Variants in PTPN2 observed in about 807,000 individuals in gnomAD.
PTPN2 encodes the protein protein tyrosine phosphatase non-receptor type 2, also known as tyrosine-protein phosphatase non-receptor type 2.
PTPN2 carries 19 observed loss-of-function variants against 57.3 expected under a neutral mutation model. The ratio of observed to expected loss-of-function variants is 0.33; its 90% CI spans 0.23 to 0.49. The LOEUF (loss-of-function observed/expected upper bound fraction) is 0.49. Ranked by LOEUF, PTPN2 falls within the 20% of genes least tolerant of loss-of-function variation. The probability of loss-of-function intolerance (pLI) is 0.99; values close to 1 mark genes in which losing one functional copy is unlikely to be tolerated. For missense variants in PTPN2, 358 were observed against 501.1 expected (o/e 0.71, Z 2.73); for synonymous variants, 153 against 164.9 (o/e 0.93, Z 0.55).
At chr18:12,871,166 C>A (rs2044258655) in intron 1 of PTPN2, among the ~76,000 whole-genome samples, 1 of 152,146 alleles carries the variant, frequency 6.6e-6, no homozygotes, top group Non-Finnish European at 1.5e-5. Flanking sequence ...TTCTTTTTAA[C>A]AATTTAATAG....
At position 12,879,934 on chromosome 18, in the gene PTPN2, A is replaced by G. The variant is rs187187548; in HGVS notation, c.69+4139T>C. Among the ~76,000 whole-genome samples the G allele has an allele frequency of 5.9e-5, 9 of 152,254 alleles. No homozygotes were observed. In the East Asian group the frequency reaches 1.5e-3, roughly 26 times the overall value. ...AACAAAGCAGAAAGCCACCTTAAACACTTTTTTCCTACTCAAGCTGTGTTA... is the reference window on the plus strand; with the variant it reads ...AACAAAGCAGAAAGCCACCTTAAACGCTTTTTTCCTACTCAAGCTGTGTTA... On this transcript the variant is annotated intron_variant, in intron 1 of 8. Transcript: ENST00000309660.
intron 8 of PTPN2, among the ~76,000 whole-genome samples, chr18:12,797,511 G>A (rs558149153): frequency 6.6e-6 from 1 of 152,108 alleles, no homozygotes; most frequent in East Asian, 1.9e-4. Context: ...TGGAACAGAG[G>A]TTTTTGCTTT....
chr18:12,785,799 C>CA, exon 10 of PTPN2: 1 of 1,608,262 alleles, frequency 6.2e-7, no homozygotes, highest in Non-Finnish European at 8.5e-7. Context: ...TTTATAGCTG[C>CA]AGAATATTCT....
intron 9 of PTPN2, chr18:12,785,965 C>G: frequency 1.2e-6 from 1 of 819,918 alleles, no homozygotes; most frequent in Non-Finnish European, 2.0e-6. Flanking sequence ...AAAAATCATT[C>G]CCACATGACA....
intron 7 of PTPN2, among the ~76,000 whole-genome samples, chr18:12,802,686 C>T (rs2041475303): frequency 6.6e-6 from 1 of 152,176 alleles, no homozygotes; most frequent in Admixed American, 6.5e-5. Flanking sequence ...AAAACCTGTA[C>T]ACGCCAAGAA....
At chr18:12,834,235 G>A (rs776629337) in intron 3 of PTPN2, among the ~76,000 whole-genome samples, 8 of 150,902 alleles carry the variant, frequency 5.3e-5, no homozygotes, top group South Asian at 2.1e-4. Flanking sequence ...GCTGAAGCAC[G>A]AGAATCACTT....
intron 1 of PTPN2, among the ~76,000 whole-genome samples, chr18:12,876,296 A>AAGAAGAAGAAGAAGAAGAAGAAG (rs2044486797): frequency 1.4e-5 from 2 of 145,074 alleles, no homozygotes; most frequent in South Asian, 2.3e-4. Context: ...ACAACAACAA[A>AAGAAGAAGAAGAAGAAGAAGAAG]AAGAAGAAGA....
chr18:12,791,833 G>C (rs189374322), downstream of PTPN2, among the ~76,000 whole-genome samples: 4 of 152,260 alleles, frequency 2.6e-5, no homozygotes, highest in African/African-American at 9.6e-5. Context: ...TCAGCCAGCT[G>C]AGGGGTGAGG....
At chr18:12,855,537 A>C (rs560622246) in intron 2 of PTPN2, among the ~76,000 whole-genome samples, 1 of 152,230 alleles carries the variant, frequency 6.6e-6, no homozygotes, top group Admixed American at 6.5e-5. Context: ...CATGAAGCTA[A>C]GGTGGTGTTT....
chr18:12,833,336 T>C lies in PTPN2; in HGVS notation c.262-2295A>G, dbSNP rs573054355. On this transcript the variant is annotated intron_variant, in intron 3 of 8. Coordinates refer to ENST00000309660, the MANE Select transcript of PTPN2 (RefSeq NM_002828.4). ...CCTCCATTCCAAACAACCTGCTAGA[T>C]GCAAGGCCAAGAGCTAGACTGAGAT... Among the ~76,000 whole-genome samples, 452 of 152,342 alleles carry C rather than the reference T, an allele frequency of 3.0e-3. 1 individual carries two copies. Among genetic ancestry groups the C allele is most frequent in the African/African-American group, 0.011 (440 of 41,590 alleles).
In PTPN2 at chr18:12,873,867, C is replaced by T. The variant is rs1445556266; in HGVS notation, c.69+10206G>A. Reference sequence around the variant, plus strand: ...GGAGCGTCTCTGCCCGGCTGCCCATCGTCTGAGATGTGGGGAGTGCCTTTG... The same window carrying T: ...GGAGCGTCTCTGCCCGGCTGCCCATTGTCTGAGATGTGGGGAGTGCCTTTG... On this transcript the variant is annotated intron_variant, in intron 1 of 8. Transcript: ENST00000309660. 3.9e-5 allele frequency among the ~76,000 whole-genome samples: 6 copies of T among 152,066 alleles called. No individual in the cohort carries two copies. In the South Asian group the frequency reaches 6.2e-4, roughly 16 times the overall value.
intron 1 of PTPN2, chr18:12,863,122 C>G (rs1451015211): frequency 6.6e-6 from 1 of 152,172 alleles, no homozygotes; most frequent in Non-Finnish European, 1.5e-5. Context: ...GCCAGCTCTA[C>G]TTGTGTTCTG....
At chr18:12,873,474 G>A (rs941433482) in intron 1 of PTPN2, among the ~76,000 whole-genome samples, 10 of 152,236 alleles carry the variant, frequency 6.6e-5, no homozygotes, top group African/African-American at 9.6e-5. Context: ...TTTTTTGGGG[G>A]AGACGGGGTT....
intron 7 of PTPN2, among the ~76,000 whole-genome samples, chr18:12,807,586 A>AAAAAATATATAT: frequency 8.5e-5 from 3 of 35,200 alleles, no homozygotes; most frequent in Admixed American, 5.6e-4. Flanking sequence ...AAAAAAAAAA[A>AAAAAATATATAT]ATATATATAT....
chr18:12,883,740 C>T (rs1598912281), intron 1 of PTPN2: 1 of 225,926 alleles, frequency 4.4e-6, no homozygotes, highest in East Asian at 8.7e-5. Flanking sequence ...CACGGCTTTC[C>T]CAAGGACCCC....
intron 5 of PTPN2, chr18:12,819,409 A>T: frequency 2.4e-6 from 1 of 413,890 alleles, no homozygotes; most frequent in Non-Finnish European, 4.3e-6. Flanking sequence ...ATACTATACT[A>T]TTCCATTTTT....
chr18:12,829,867 T>C (rs773432726), intron 4 of PTPN2, among the ~76,000 whole-genome samples: 1 of 152,198 alleles, frequency 6.6e-6, no homozygotes, highest in African/African-American at 2.4e-5. Flanking sequence ...TCAGACATTA[T>C]GGGTCTCTTG....
At chr18:12,823,704 G>A (rs1293574142) in intron 5 of PTPN2, among the ~76,000 whole-genome samples, 1 of 152,036 alleles carries the variant, frequency 6.6e-6, no homozygotes, top group African/African-American at 2.4e-5. Context: ...GAACTAATGA[G>A]ATCAGTCTGT....
At chr18:12,870,342 C>CAT (rs1358807652) in intron 1 of PTPN2, among the ~76,000 whole-genome samples, 7 of 32,696 alleles carry the variant, frequency 2.1e-4, no homozygotes, top group Non-Finnish European at 3.6e-4. Flanking sequence ...TATATATATA[C>CAT]ATATATATGT....
Sources: gnomAD v4.1 joint callset for allele counts (sites outside exome capture counted in the v4.1 genomes callset) on GRCh38, gnomAD v4.1.1 for gene constraint, MANE v1.5 for transcripts, NCBI Gene and HGNC (gene_info 2026-07-23, HGNC 2026-07-21) for gene names.